The following IGFL2 variants were observed in gnomAD, a reference collection of about 807,000 sequenced individuals.
IGFL2 encodes the protein IGF like family member 2, also known as insulin growth factor-like family member 2.
A neutral mutation model predicts 13.9 loss-of-function variants in IGFL2; 7 were observed. The ratio of observed to expected loss-of-function variants is 0.51; its 90% CI spans 0.29 to 0.95. IGFL2 has a LOEUF of 0.95. Ranked by LOEUF, IGFL2 falls within the 40% of genes least tolerant of loss-of-function variation. IGFL2 has a pLI of 0.08. For missense variants in IGFL2, 138 were observed against 147.8 expected, an observed-to-expected ratio of 0.93 and a Z score of 0.34; for synonymous variants, 55 against 55.8, an observed-to-expected ratio of 0.99 and a Z score of 0.07.
chr19:46,144,740 AG>A (rs1973028563), upstream of IGFL2, among the ~76,000 whole-genome samples: 3 of 152,198 alleles, frequency 2.0e-5, no homozygotes, highest in Admixed American at 2.0e-4. Context: ...ACACAGGTAT[AG>A]ATTCATGTAG....
At chr19:46,088,732 A>G in the IGFL2 span, among the ~76,000 whole-genome samples, 1 of 152,226 alleles carries the variant, frequency 6.6e-6, no homozygotes, top group Non-Finnish European at 1.5e-5. Context: ...AGAGGCGATG[A>G]GAATACAAAG....
At chr19:46,106,033 A>C in the IGFL2 span, among the ~76,000 whole-genome samples, 5 of 152,192 alleles carry the variant, frequency 3.3e-5, no homozygotes, top group Admixed American at 3.3e-4. Context: ...ATAATGGTTT[A>C]GTCAGGATGG....
chr19:46,198,198 C>G, the IGFL2 span: 1 of 151,664 alleles, frequency 6.6e-6, no homozygotes, highest in Admixed American at 6.6e-5. Flanking sequence ...CAGCCTGGAA[C>G]TCTTGAGCTC....
chr19:46,133,091 C>T, the IGFL2 span, among the ~76,000 whole-genome samples: 2 of 152,024 alleles, frequency 1.3e-5, no homozygotes, highest in Non-Finnish European at 2.9e-5. Flanking sequence ...ACCAGCTTGG[C>T]GACACTGAAT....
the IGFL2 span, among the ~76,000 whole-genome samples, chr19:46,097,835 C>G: frequency 6.6e-6 from 1 of 152,112 alleles, no homozygotes; most frequent in Non-Finnish European, 1.5e-5. Flanking sequence ...GTTTTTAAAC[C>G]TTGAGTTCTA....
chr19:46,091,286 A>G, the IGFL2 span, among the ~76,000 whole-genome samples: 2 of 152,208 alleles, frequency 1.3e-5, no homozygotes, highest in African/African-American at 4.8e-5. Flanking sequence ...GAAGTGGTCC[A>G]CATTTATGTT....
chr19:46,188,210 G>A, the IGFL2 span, among the ~76,000 whole-genome samples: 8 of 152,148 alleles, frequency 5.3e-5, no homozygotes, highest in Admixed American at 5.2e-4. Context: ...GTTCCAGATC[G>A]GTCCTTGGTC....
At chr19:46,166,315 T>C in the IGFL2 span, among the ~76,000 whole-genome samples, 1 of 152,150 alleles carries the variant, frequency 6.6e-6, no homozygotes, top group South Asian at 2.1e-4. Context: ...GGATCCTTGA[T>C]GCCCCACAAG....
the IGFL2 span, among the ~76,000 whole-genome samples, chr19:46,126,076 TTGAAAGATACAC>T: frequency 2.3e-3 from 355 of 152,354 alleles, 3 homozygotes; most frequent in Non-Finnish European, 3.8e-3. Context: ...TAAGATGTTA[TTGAAAGATACAC>T]TGTTGTTTTG....
chr19:46,092,323 C>T, the IGFL2 span, among the ~76,000 whole-genome samples: 1 of 151,888 alleles, frequency 6.6e-6, no homozygotes, highest in East Asian at 1.9e-4. Context: ...CCACTCCTGG[C>T]TAATTAAAAA....
chr19:46,139,812 C>T (rs1972774328), upstream of IGFL2, among the ~76,000 whole-genome samples: 1 of 151,876 alleles, frequency 6.6e-6, no homozygotes, highest in African/African-American at 2.4e-5. Flanking sequence ...CACACATAAC[C>T]AAACTTATAT....
At chr19:46,149,875 G>GTT (rs1404385320) in intron 1 of IGFL2, among the ~76,000 whole-genome samples, 1 of 152,066 alleles carries the variant, frequency 6.6e-6, no homozygotes, top group African/African-American at 2.4e-5. Flanking sequence ...CCTGTTTTCA[G>GTT]TTATCTTGGG....
the IGFL2 span, chr19:46,124,348 C>T: frequency 8.8e-6 from 14 of 1,591,008 alleles, no homozygotes; most frequent in African/African-American, 1.4e-5. Flanking sequence ...AAAGGTTGAA[C>T]ATGGAGCTGA....
chr19:46,082,715 C>G, the IGFL2 span, among the ~76,000 whole-genome samples: 2 of 151,446 alleles, frequency 1.3e-5, no homozygotes, highest in Non-Finnish European at 2.9e-5. Flanking sequence ...CCTTGATCTT[C>G]TGGGCTGAAG....
the IGFL2 span, among the ~76,000 whole-genome samples, chr19:46,132,728 A>G: frequency 6.8e-6 from 1 of 146,780 alleles, no homozygotes; most frequent in Non-Finnish European, 1.5e-5. Context: ...AGGGAGGGAG[A>G]GGGAGAGGAA....
the IGFL2 span, among the ~76,000 whole-genome samples, chr19:46,104,307 A>C: frequency 6.6e-6 from 1 of 152,170 alleles, no homozygotes. Flanking sequence ...AGTCCTTTTT[A>C]AGTTGGAGGC....
chr19:46,081,204 G>A, the IGFL2 span, among the ~76,000 whole-genome samples: 1 of 152,184 alleles, frequency 6.6e-6, no homozygotes, highest in Admixed American at 6.5e-5. Context: ...AAGGCACCCT[G>A]ATTGCATCTT....
chr19:46,160,793 G>A lies in IGFL2; in HGVS notation c.253G>A (p.Gly85Ser). The A allele has an allele frequency of 6.2e-7, 1 of 1,613,992 alleles. No homozygotes were observed. The highest frequency in any genetic ancestry group is 8.5e-7 in the Non-Finnish European group (1 of 1,179,946). Residue 85 changes from glycine to serine, a missense_variant, in exon 3 of 4, where the codon GGC becomes AGC. Gly to Ser is a moderately conservative substitution (Grantham distance 56). Transcript: ENST00000377693. ...CFELCCLDSF[G>S]LTNDFVVKLK... Reference sequence around the variant, plus strand: ...TGAGCTCTGCTGTCTTGATTCCTTTGGCCTCACAAACGATTTTGTTGTGAA... The same window carrying A: ...TGAGCTCTGCTGTCTTGATTCCTTTAGCCTCACAAACGATTTTGTTGTGAA...
At chr19:46,086,662 A>C in the IGFL2 span, among the ~76,000 whole-genome samples, 1 of 152,150 alleles carries the variant, frequency 6.6e-6, no homozygotes, top group East Asian at 1.9e-4. Flanking sequence ...TTGCTAGTGA[A>C]TTATTGTGTT....
Sources: allele counts gnomAD v4.1 joint callset (sites outside exome capture counted in the v4.1 genomes callset), GRCh38; gene constraint gnomAD v4.1.1; transcripts MANE v1.5; gene names NCBI Gene and HGNC (gene_info 2026-07-23, HGNC 2026-07-21).